CDKL1: variants seen among roughly 807,000 people sequenced by gnomAD.
The protein encoded by CDKL1 is cyclin dependent kinase like 1, also known as cyclin-dependent kinase-like 1.
Under a neutral mutation model 42.0 loss-of-function variants are expected in CDKL1, and 41 were observed. The ratio of observed to expected loss-of-function variants is 0.98; its 90% CI spans 0.76 to 1.27. CDKL1 has a LOEUF of 1.27. Ranked by LOEUF, CDKL1 falls within the 50% of genes most tolerant of loss-of-function variation. The pLI is 0.00. For synonymous variants in CDKL1, 153 were observed against 158.6 expected (o/e 0.96, Z 0.26); for missense variants, 394 against 428.4 (o/e 0.92, Z 0.71).
chr14:50,380,223 C>T (rs758795357), intron 2 of CDKL1: 6 of 532,390 alleles, frequency 1.1e-5, no homozygotes, highest in Non-Finnish European at 2.3e-5. Flanking sequence ...ATAGTAAATC[C>T]GAAGCAAAAC....
chr14:50,354,321 AAGAG>A (rs1319110568), intron 3 of CDKL1, among the ~76,000 whole-genome samples: 1 of 152,232 alleles, frequency 6.6e-6, no homozygotes, highest in African/African-American at 2.4e-5. Flanking sequence ...TAATCTAAAA[AAGAG>A]AGAGAACATT....
intron 2 of CDKL1, among the ~76,000 whole-genome samples, chr14:50,386,379 A>G (rs889864905): frequency 3.9e-5 from 6 of 152,212 alleles, no homozygotes; most frequent in Non-Finnish European, 8.8e-5. Flanking sequence ...GAATACAGTG[A>G]GCCATGACTG....
At chr14:50,380,197 C>T in intron 2 of CDKL1, 1 of 532,768 alleles carries the variant, frequency 1.9e-6, no homozygotes, top group Non-Finnish European at 3.8e-6. Flanking sequence ...TCCCTGGCAA[C>T]ACAACCCTGG....
At chr14:50,343,186 A>T (rs1450787796) in intron 4 of CDKL1, 1 of 344,294 alleles carries the variant, frequency 2.9e-6, no homozygotes, top group Non-Finnish European at 4.6e-6. Context: ...AGTTGGGTCA[A>T]AATACTGCTC....
rs1247806357 is a variant in CDKL1, at chr14:50,359,084, C to G, written c.234G>C (p.Leu78=). The change falls in exon 3 of 10, where the codon CTG becomes CTC. Residue 78 remains leucine (L), a synonymous_variant. Coordinates refer to ENST00000395834, the MANE Select transcript of CDKL1 (RefSeq NM_004196.7). The stretch of plus-strand genomic sequence containing the variant: ...CTGTGTGGTCACAATATTCAAACAC[C>G]AGGTGAAGCCTCCGTTTCCTCCTGA... ...EVFRRKRRLH[L]VFEYCDHTVL... The G allele has an allele frequency of 6.2e-7, 1 of 1,613,000 alleles. No individual in the cohort carries two copies. Among genetic ancestry groups the G allele is most frequent in the Non-Finnish European group, 8.5e-7 (1 of 1,179,110 alleles).
intron 3 of CDKL1, among the ~76,000 whole-genome samples, chr14:50,345,542 GTTGT>G (rs1418113444): frequency 6.6e-6 from 1 of 152,214 alleles, no homozygotes; most frequent in African/African-American, 2.4e-5. Context: ...CAGCATTGCT[GTTGT>G]TTGTTTGGTT....
chr14:50,380,563 C>A (rs2034874554), intron 2 of CDKL1, among the ~76,000 whole-genome samples: 1 of 152,238 alleles, frequency 6.6e-6, no homozygotes, highest in Non-Finnish European at 1.5e-5. Flanking sequence ...AACTCTCCAG[C>A]ACTCTGTCAC....
intron 2 of CDKL1, among the ~76,000 whole-genome samples, chr14:50,379,066 G>T (rs1389586163): frequency 6.6e-6 from 1 of 152,084 alleles, no homozygotes; most frequent in African/African-American, 2.4e-5. Flanking sequence ...TGGCCAGTTT[G>T]GTAACAAACT....
rs1555337390 is a variant in CDKL1, at chr14:50,329,062, TAC to T, written c.*1010_*1011del. On this transcript the variant is annotated 3_prime_UTR_variant, in exon 10 of 10. Transcript: ENST00000395834. The stretch of plus-strand genomic sequence containing the variant: ...ATATATATATATATATATATATATA[TAC>T]ATACACATACATACACATACAAACA... 6.9e-6 allele frequency: 1 copy of T among 143,978 alleles called. No homozygotes were observed. The allele number at this position is 143,978 out of a possible 1,614,324, so 8.9% of individuals were successfully genotyped here. A position where few individuals can be genotyped will look rare whatever the true frequency, so the allele number is the denominator to read the frequency against.
intron 2 of CDKL1, among the ~76,000 whole-genome samples, chr14:50,379,243 T>C (rs573307389): frequency 1.8e-4 from 28 of 152,136 alleles, no homozygotes; most frequent in African/African-American, 5.8e-4. Context: ...TGGCAGAGTA[T>C]TGAGGAAGGG....
At chr14:50,353,977 G>A (rs1370206518) in intron 3 of CDKL1, among the ~76,000 whole-genome samples, 2 of 141,972 alleles carry the variant, frequency 1.4e-5, no homozygotes, top group African/African-American at 5.2e-5. Context: ...TTTTTGAGAT[G>A]GAGTTTTGCT....
In CDKL1 at chr14:50,352,646, A is replaced by G. The variant is rs564892679; in HGVS notation, c.290+6382T>C. ...CATAGAAAAGAATATTAAGCGAAGA[A>G]TAGAGTTGAGGGGAAAAACAGCCAT... is the stretch of plus-strand genomic sequence containing the variant. On this transcript the variant is annotated intron_variant, in intron 3 of 9. Coordinates refer to ENST00000395834, the MANE Select transcript of CDKL1 (RefSeq NM_004196.7). Among the ~76,000 whole-genome samples, 19 of 152,336 alleles carry G rather than the reference A, an allele frequency of 1.2e-4. 1 individual carries two copies. Among genetic ancestry groups the G allele is most frequent in the Admixed American group, 2.6e-4 (4 of 15,296 alleles).
chr14:50,386,777 T>C (rs539922433), intron 2 of CDKL1, among the ~76,000 whole-genome samples: 25 of 152,074 alleles, frequency 1.6e-4, no homozygotes, highest in African/African-American at 5.5e-4. Flanking sequence ...ATACAAAGAA[T>C]TGGCTGGGCG....
chr14:50,396,792 G>A (rs10136559), intron 1 of CDKL1, 32 bp downstream of exon 1: 32,856 of 162,796 alleles, frequency 0.2, 3,646 homozygotes, highest in African/African-American at 0.26. Context: ...GGCCAGGGAC[G>A]GCCCGCGCCT....
intron 2 of CDKL1, chr14:50,363,059 A>G (rs1455935755): frequency 2.4e-6 from 1 of 415,164 alleles, no homozygotes; most frequent in South Asian, 1.7e-5. Context: ...GAACAACTCC[A>G]AACACACTGC....
chr14:50,342,373 C>CG, intron 4 of CDKL1, 151 bp from the exon 5 acceptor site: 1 of 1,428,214 alleles, frequency 7.0e-7, no homozygotes. Context: ...TAAAATAAAT[C>CG]TAGTACCATG....
At chr14:50,390,807 T>C (rs2035235613) in intron 2 of CDKL1, among the ~76,000 whole-genome samples, 1 of 152,224 alleles carries the variant, frequency 6.6e-6, no homozygotes, top group South Asian at 2.1e-4. Context: ...GGGCCTGTGA[T>C]GCTCCAGCCC....
intron 3 of CDKL1, among the ~76,000 whole-genome samples, chr14:50,354,710 G>A (rs8018211): frequency 0.41 from 62,395 of 151,952 alleles, 13,067 homozygotes; most frequent in East Asian, 0.63. Flanking sequence ...TACATATCTC[G>A]TGGTATAAAC....
chr14:50,360,786 T>G (rs201847707), intron 2 of CDKL1, among the ~76,000 whole-genome samples: 21 of 144,690 alleles, frequency 1.5e-4, no homozygotes, highest in Middle Eastern at 3.5e-3. Context: ...GTGTGTGTGT[T>G]TGTGTGTGTG....
Sources: gnomAD v4.1 joint callset for allele counts (sites outside exome capture counted in the v4.1 genomes callset) on GRCh38, gnomAD v4.1.1 for gene constraint, MANE v1.5 for transcripts, NCBI Gene and HGNC (gene_info 2026-07-23, HGNC 2026-07-21) for gene names.